Variants in TNFAIP8 observed in about 807,000 individuals in gnomAD.
TNFAIP8 encodes TNF alpha induced protein 8.
TNFAIP8 carries 7 observed loss-of-function variants against 13.3 expected under a neutral mutation model. The observed-to-expected ratio is 0.52, with a 90% CI of 0.30 to 0.99. TNFAIP8 has a LOEUF of 0.99. Ranked by LOEUF, TNFAIP8 falls within the 50% of genes least tolerant of loss-of-function variation. TNFAIP8 has a pLI of 0.07. For synonymous variants in TNFAIP8, 94 were observed against 87.6 expected (o/e 1.07, Z -0.41); for missense variants, 258 against 236.9 (o/e 1.09, Z -0.58).
At chr5:119,306,835 A>G (rs1749582553) in intron 1 of TNFAIP8, among the ~76,000 whole-genome samples, 1 of 152,178 alleles carries the variant, frequency 6.6e-6, no homozygotes, top group South Asian at 2.1e-4. Flanking sequence ...ACTTAAATAA[A>G]GGCTATAGGG....
At chr5:119,370,618 C>T (rs1443911453) in intron 1 of TNFAIP8, among the ~76,000 whole-genome samples, 1 of 152,228 alleles carries the variant, frequency 6.6e-6, no homozygotes, top group African/African-American at 2.4e-5. Flanking sequence ...AAAACACTGG[C>T]CCCTCCTGGG....
At chr5:119,314,622 G>T (rs1236872571) in intron 1 of TNFAIP8, among the ~76,000 whole-genome samples, 1 of 152,168 alleles carries the variant, frequency 6.6e-6, no homozygotes, top group East Asian at 1.9e-4. Flanking sequence ...CACTGATTGG[G>T]ATTTGTTTTT....
intron 1 of TNFAIP8, among the ~76,000 whole-genome samples, chr5:119,281,234 A>G (rs1268972687): frequency 4.8e-5 from 7 of 146,570 alleles, no homozygotes; most frequent in Non-Finnish European, 9.0e-5. Flanking sequence ...ATTCACTGGA[A>G]TGGTTAGTAT....
chr5:119,364,826 CCT>C lies in TNFAIP8; in HGVS notation c.31+8706_31+8707del, dbSNP rs554746552. ...TTTAAGGTAATGAAGGGTTTTTTCC[CCT>C]TTTTTCTTTTCAGTTTTTTTTTTTT... is the stretch of plus-strand genomic sequence containing the variant. On this transcript the variant is annotated intron_variant, in intron 1 of 1. Coordinates refer to ENST00000504771, the MANE Select transcript of TNFAIP8 (RefSeq NM_014350.4). Among the ~76,000 whole-genome samples the C allele has an allele frequency of 3.1e-3, 462 of 148,634 alleles. 3 individuals are homozygous for C. Among genetic ancestry groups the C allele is most frequent in the African/African-American group, 0.011 (432 of 40,394 alleles).
chr5:119,308,835 G>A, intron 1 of TNFAIP8, among the ~76,000 whole-genome samples: 1 of 143,458 alleles, frequency 7.0e-6, no homozygotes. Context: ...AGCCTGGGTT[G>A]CAGAGTGAGA....
At chr5:119,277,904 C>G (rs1165821335) in intron 1 of TNFAIP8, among the ~76,000 whole-genome samples, 1 of 152,036 alleles carries the variant, frequency 6.6e-6, no homozygotes, top group Non-Finnish European at 1.5e-5. Context: ...GTACACCTTT[C>G]AACATCTTTT....
At chr5:119,314,170 AAAACAAACAAAC>A (rs3055625) in intron 1 of TNFAIP8, among the ~76,000 whole-genome samples, 63 of 151,024 alleles carry the variant, frequency 4.2e-4, no homozygotes, top group South Asian at 1.0e-3. Flanking sequence ...GCTGTCTCTA[AAAACAAACAAAC>A]AAACAAACAA....
chr5:119,373,290 A>G (rs1356488750), intron 1 of TNFAIP8, among the ~76,000 whole-genome samples: 1 of 152,244 alleles, frequency 6.6e-6, no homozygotes, highest in Non-Finnish European at 1.5e-5. Context: ...CCAAAATGTA[A>G]GAGAGAGTGA....
At chr5:119,359,323 G>A (rs1164197049) in intron 1 of TNFAIP8, among the ~76,000 whole-genome samples, 1 of 152,080 alleles carries the variant, frequency 6.6e-6, no homozygotes, top group Non-Finnish European at 1.5e-5. Context: ...CTTTAAAGAG[G>A]CTTTTTCTGA....
At chr5:119,286,757 G>A (rs147018771) in intron 1 of TNFAIP8, among the ~76,000 whole-genome samples, 3 of 152,146 alleles carry the variant, frequency 2.0e-5, no homozygotes, top group Non-Finnish European at 2.9e-5. Context: ...GTGTTAGTGC[G>A]GGAATACAAA....
At chr5:119,366,824 C>T (rs143367985) in intron 1 of TNFAIP8, among the ~76,000 whole-genome samples, 2 of 152,322 alleles carry the variant, frequency 1.3e-5, no homozygotes, top group African/African-American at 4.8e-5. Context: ...ATAGCTCTGA[C>T]TTGGTGATTA....
In TNFAIP8 at chr5:119,342,511, A is replaced by AG. The variant is rs140988897; in HGVS notation, c.2-50302dup. Among the ~76,000 whole-genome samples the AG allele has an allele frequency of 8.2e-3, 1,247 of 152,148 alleles. 23 individuals are homozygous for AG. The highest frequency in any genetic ancestry group is 0.029 in the African/African-American group (1,186 of 41,524). ...CCACTTAAAGCTGTGCTAAATTTGC[A>AG]GGGTTTTTTTTTGATAATGCTTTCT... On this transcript the variant is annotated intron_variant, in intron 1 of 1. Transcript: ENST00000274456.
intron 1 of TNFAIP8, among the ~76,000 whole-genome samples, chr5:119,324,639 G>T (rs1323609084): frequency 1.3e-5 from 2 of 151,900 alleles, no homozygotes; most frequent in Admixed American, 1.3e-4. Context: ...TCTCTGCTAT[G>T]CCTTGTAACT....
intron 1 of TNFAIP8, among the ~76,000 whole-genome samples, chr5:119,295,253 C>A (rs1255300497): frequency 1.4e-5 from 1 of 73,430 alleles, no homozygotes; most frequent in Non-Finnish European, 2.6e-5. Context: ...AACGTTTAGT[C>A]TAACGTTAGA....
At chr5:119,351,060 G>T (rs376390847), upstream of TNFAIP8, among the ~76,000 whole-genome samples, 3 of 150,944 alleles carry the variant, frequency 2.0e-5, no homozygotes, top group African/African-American at 7.3e-5. Context: ...GTCTCACTCT[G>T]TTGCCCAGGC....
chr5:119,314,131 C>T (rs147154756), intron 1 of TNFAIP8, among the ~76,000 whole-genome samples: 9 of 152,106 alleles, frequency 5.9e-5, no homozygotes, highest in East Asian at 1.9e-4. Flanking sequence ...CCCAGGAATT[C>T]GCATCTAGCC....
chr5:119,394,232 G>A lies in TNFAIP8; in HGVS notation c.*851G>A, dbSNP rs1007681333. The A allele has an allele frequency of 2.6e-5, 4 of 151,984 alleles. No homozygotes were observed. The highest frequency in any genetic ancestry group is 5.9e-5 in the Non-Finnish European group (4 of 68,034). 9.4% of individuals were successfully genotyped at this position (151,984 alleles called of 1,614,324 possible). A position where few individuals can be genotyped will look rare whatever the true frequency, so the allele number is the denominator to read the frequency against. On this transcript the variant is annotated 3_prime_UTR_variant, in exon 2 of 2. Transcript: ENST00000504771. ...TAAAAAGTAAGTAGCATTAAGAAAGGTAACAATCTTCATTCTACAGATGAA... is the reference window on the plus strand; with the variant it reads ...TAAAAAGTAAGTAGCATTAAGAAAGATAACAATCTTCATTCTACAGATGAA...
At chr5:119,389,443 G>C (rs73790852) in intron 1 of TNFAIP8, among the ~76,000 whole-genome samples, 14,298 of 152,142 alleles carry the variant, frequency 0.094, 987 homozygotes, top group African/African-American at 0.21. Flanking sequence ...AGAAAAACTT[G>C]ATCCAGGACT....
intron 1 of TNFAIP8, among the ~76,000 whole-genome samples, chr5:119,377,505 A>C (rs1752328881): frequency 7.5e-6 from 1 of 133,540 alleles, no homozygotes; most frequent in Non-Finnish European, 1.7e-5. Context: ...GTAGAGCTCC[A>C]AACTGGTATG....
Sources: allele counts gnomAD v4.1 joint callset (sites outside exome capture counted in the v4.1 genomes callset), GRCh38; gene constraint gnomAD v4.1.1; transcripts MANE v1.5; gene names NCBI Gene and HGNC (gene_info 2026-07-23, HGNC 2026-07-21).